ZNF385D: variants seen among roughly 807,000 people sequenced by gnomAD.
ZNF385D encodes the protein zinc finger protein 659.
In ZNF385D, 15 loss-of-function variants were observed where a neutral mutation model predicts 35.8. The observed-to-expected ratio is 0.42, with a 90% CI of 0.28 to 0.64. The LOEUF (loss-of-function observed/expected upper bound fraction) is 0.64, where lower values mean the gene tolerates loss of function less well. Among genes scored for constraint, ZNF385D ranks in the 30% least tolerant of loss-of-function variants. The pLI is 0.23. For synonymous variants in ZNF385D, 212 were observed against 186.8 expected (o/e 1.13, Z -1.10); for missense variants, 474 against 494.6 (o/e 0.96, Z 0.39).
intron 3 of ZNF385D, among the ~76,000 whole-genome samples, chr3:21,766,590 A>G (rs748679187): frequency 1.3e-4 from 20 of 152,150 alleles, no homozygotes; most frequent in Non-Finnish European, 2.6e-4. Flanking sequence ...CTTGAGGGAG[A>G]TATTGCAGTA....
intron 2 of ZNF385D, among the ~76,000 whole-genome samples, chr3:21,604,801 G>A (rs1047163574): frequency 1.3e-5 from 2 of 152,154 alleles, no homozygotes; most frequent in Admixed American, 6.5e-5. Context: ...AATATGCAAG[G>A]GAAGAGAAGA....
intron 2 of ZNF385D, among the ~76,000 whole-genome samples, chr3:22,287,503 A>G (rs1702086173): frequency 6.6e-6 from 1 of 151,868 alleles, no homozygotes; most frequent in Admixed American, 6.6e-5. Flanking sequence ...ACTCTGAATC[A>G]TTTTTATCTT....
intron 4 of ZNF385D, among the ~76,000 whole-genome samples, chr3:21,456,531 A>C (rs1702822042): frequency 6.6e-6 from 1 of 152,178 alleles, no homozygotes; most frequent in Non-Finnish European, 1.5e-5. Context: ...GTGGGAATTG[A>C]ACAATGAGAA....
intron 3 of ZNF385D, among the ~76,000 whole-genome samples, chr3:22,089,551 A>G (rs1341825653): frequency 6.6e-6 from 1 of 152,086 alleles, no homozygotes; most frequent in African/African-American, 2.4e-5. Context: ...GTGGCTGGTG[A>G]CCAGCAGCAC....
chr3:21,502,638 C>A (rs908677431), intron 4 of ZNF385D, among the ~76,000 whole-genome samples: 1 of 152,174 alleles, frequency 6.6e-6, no homozygotes, highest in East Asian at 1.9e-4. Flanking sequence ...TTTATCATCA[C>A]TGATTCACAT....
At chr3:21,849,906 C>T (rs1466957192) in intron 3 of ZNF385D, among the ~76,000 whole-genome samples, 1 of 151,872 alleles carries the variant, frequency 6.6e-6, no homozygotes, top group African/African-American at 2.4e-5. Flanking sequence ...CCACATCCAG[C>T]AAATTTTTAA....
At chr3:21,816,117 C>T (rs1415374843) in intron 3 of ZNF385D, among the ~76,000 whole-genome samples, 2 of 152,140 alleles carry the variant, frequency 1.3e-5, no homozygotes, top group African/African-American at 2.4e-5. Flanking sequence ...AGGCCTTTGA[C>T]AAAATTCAAC....
chr3:22,276,477 A>C (rs568536043), intron 2 of ZNF385D, among the ~76,000 whole-genome samples: 7 of 152,286 alleles, frequency 4.6e-5, no homozygotes, highest in South Asian at 2.1e-4. Flanking sequence ...CAGATCTATC[A>C]ACTCTTTAGC....
intron 3 of ZNF385D, among the ~76,000 whole-genome samples, chr3:21,952,506 T>C (rs927382803): frequency 6.6e-6 from 1 of 152,036 alleles, no homozygotes; most frequent in Non-Finnish European, 1.5e-5. Context: ...TAAGGTCAAA[T>C]GGCCTGGGTT....
rs1027723920 is a variant in ZNF385D at position 21,994,318 on chromosome 3, T to C, written c.325+174499A>G. Among the ~76,000 whole-genome samples, 11 of 152,346 alleles carry C rather than the reference T, an allele frequency of 7.2e-5. 1 individual carries two copies. Among genetic ancestry groups the C allele is most frequent in the Admixed American group, 5.9e-4 (9 of 15,302 alleles). On this transcript the variant is annotated intron_variant, in intron 3 of 5. Coordinates refer to the ZNF385D transcript ENST00000494108. ...AGTTGAGATTATGCCAAAGTGTTAA[T>C]CCTGGAAAGTTTATCTATTGTACTT...
intron 3 of ZNF385D, among the ~76,000 whole-genome samples, chr3:21,978,444 C>G (rs1320294076): frequency 6.6e-6 from 1 of 152,144 alleles, no homozygotes; most frequent in Non-Finnish European, 1.5e-5. Flanking sequence ...GGGGGAGAAA[C>G]ATAACCCAGG....
At chr3:22,078,494 A>C (rs1192819864) in intron 3 of ZNF385D, among the ~76,000 whole-genome samples, 1 of 152,078 alleles carries the variant, frequency 6.6e-6, no homozygotes, top group African/African-American at 2.4e-5. Context: ...TGGTATTGAG[A>C]CATTAAGTCT....
chr3:21,593,333 C>T (rs536129873), intron 2 of ZNF385D, among the ~76,000 whole-genome samples: 1 of 152,180 alleles, frequency 6.6e-6, no homozygotes, highest in African/African-American at 2.4e-5. Flanking sequence ...AATCCATTGC[C>T]TCACTTCCTA....
rs113361087 is a variant in ZNF385D, at chr3:21,703,754, A to C, written c.23-38726T>G. On this transcript the variant is annotated intron_variant, in intron 1 of 7. Coordinates refer to ENST00000281523, the MANE Select transcript of ZNF385D (RefSeq NM_024697.3). Reference sequence around the variant, plus strand: ...CATGAAGCTGGCCATTATGCTGGTGAGTTGGCCAAATATGTTGTTATTTGT... The same window carrying C: ...CATGAAGCTGGCCATTATGCTGGTGCGTTGGCCAAATATGTTGTTATTTGT... Among the ~76,000 whole-genome samples, 556 of 151,668 alleles carry C rather than the reference A, an allele frequency of 3.7e-3. 4 individuals are homozygous for C. Among genetic ancestry groups the C allele is most frequent in the African/African-American group, 0.013 (523 of 41,356 alleles).
intron 3 of ZNF385D, among the ~76,000 whole-genome samples, chr3:21,798,555 T>G (rs2072256551): frequency 6.6e-6 from 1 of 152,186 alleles, no homozygotes. Flanking sequence ...GCTCATCTAA[T>G]TAGGTCAGTC....
intron 1 of ZNF385D, among the ~76,000 whole-genome samples, chr3:21,666,591 A>G (rs1466435943): frequency 1.3e-5 from 2 of 152,192 alleles, no homozygotes; most frequent in African/African-American, 4.8e-5. Context: ...CATTCACCAG[A>G]GCACACACAC....
intron 1 of ZNF385D, among the ~76,000 whole-genome samples, chr3:21,725,185 G>C (rs1275495039): frequency 6.6e-6 from 1 of 152,150 alleles, no homozygotes; most frequent in African/African-American, 2.4e-5. Flanking sequence ...TTAAAGCAGC[G>C]TGTAGAGGGA....
Position 21,950,146 on chromosome 3 carries a change from T to C in ZNF385D, c.325+218671A>G, listed in dbSNP as rs549337321. ...GGAATCACCACACTGTCTTCTACAA[T>C]GGTTGAACTAATTTACACTCCCACC... On this transcript the variant is annotated intron_variant, in intron 3 of 5. Coordinates refer to the ZNF385D transcript ENST00000494108. Among the ~76,000 whole-genome samples the C allele has an allele frequency of 2.0e-5, 3 of 151,934 alleles. No individual in the cohort carries two copies. The South Asian group carries it at 6.2e-4, about 31-fold the overall frequency.
At chr3:21,587,008 A>G (rs1391325374) in intron 2 of ZNF385D, among the ~76,000 whole-genome samples, 1 of 152,164 alleles carries the variant, frequency 6.6e-6, no homozygotes, top group Non-Finnish European at 1.5e-5. Context: ...AAATGATAGA[A>G]CAGAAACACC....
Sources: gnomAD v4.1 joint callset for allele counts (sites outside exome capture counted in the v4.1 genomes callset) on GRCh38, gnomAD v4.1.1 for gene constraint, MANE v1.5 for transcripts, NCBI Gene and HGNC (gene_info 2026-07-23, HGNC 2026-07-21) for gene names.